TMC1: variants seen among roughly 807,000 people sequenced by gnomAD.
TMC1 encodes the protein transmembrane channel like 1.
A neutral mutation model predicts 105.8 loss-of-function variants in TMC1; 84 were observed. The observed-to-expected ratio is 0.79, with a 90% confidence interval of 0.67 to 0.95. The LOEUF is 0.95. TMC1 is among the 40% of genes least tolerant of loss of function. The pLI is 0.00. For missense variants in TMC1, 817 were observed against 914.1 expected, an observed-to-expected ratio of 0.89 and a Z score of 1.37; for synonymous variants, 315 against 311.5, an observed-to-expected ratio of 1.01 and a Z score of -0.12.
In TMC1 at chr9:72,774,001, T is replaced by C. The variant is rs189423798; in HGVS notation, c.884+1446T>C. On this transcript the variant is annotated intron_variant, in intron 13 of 23. Coordinates refer to ENST00000297784, the MANE Select transcript of TMC1 (RefSeq NM_138691.3). The stretch of plus-strand genomic sequence containing the variant: ...CTTAGAATATGCCTGGATGAGAAAA[T>C]TATTCAACAAATGTTAACAATTTTA... 2.3e-4 allele frequency among the ~76,000 whole-genome samples: 35 copies of C among 152,274 alleles called. 1 individual carries two copies. The highest frequency in any genetic ancestry group is 1.5e-3 in the Admixed American group (23 of 15,282).
At chr9:72,651,062 T>TATATATATATCTATATAAAAATATATAG (rs1349989809) in intron 5 of TMC1, 44 of 146,914 alleles carry the variant, frequency 3.0e-4, no homozygotes, top group African/African-American at 1.1e-3. Flanking sequence ...GTGTATTTTA[T>TATATATATATCTATATAAAAATATATAG]ATATATATAT....
intron 1 of TMC1, among the ~76,000 whole-genome samples, chr9:72,551,126 A>G (rs1823854065): frequency 6.6e-6 from 1 of 152,188 alleles, no homozygotes; most frequent in African/African-American, 2.4e-5. Context: ...AAAGACAAGA[A>G]AATAATTGGC....
chr9:72,614,568 A>G (rs558588546), intron 2 of TMC1, among the ~76,000 whole-genome samples: 8 of 152,324 alleles, frequency 5.3e-5, no homozygotes, highest in African/African-American at 1.9e-4. Flanking sequence ...CAAGGTTTTC[A>G]AGGGAATAAC....
intron 17 of TMC1, among the ~76,000 whole-genome samples, chr9:72,797,193 A>G (rs1256841705): frequency 1.3e-5 from 2 of 152,140 alleles, no homozygotes; most frequent in Non-Finnish European, 2.9e-5. Context: ...GAGAACTACA[A>G]ACTACTGCTC....
At chr9:72,787,334 T>A (rs982433523) in intron 13 of TMC1, among the ~76,000 whole-genome samples, 1 of 152,176 alleles carries the variant, frequency 6.6e-6, no homozygotes, top group Non-Finnish European at 1.5e-5. Context: ...TGCTAGCCTA[T>A]TTAAAATGTA....
intron 10 of TMC1, among the ~76,000 whole-genome samples, chr9:72,750,926 C>G (rs1190341284): frequency 6.6e-6 from 1 of 152,194 alleles, no homozygotes; most frequent in Non-Finnish European, 1.5e-5. Flanking sequence ...TTTTCCTCTG[C>G]TTGAGCTGCT....
At chr9:72,812,139 T>C (rs1564571529) in intron 18 of TMC1, among the ~76,000 whole-genome samples, 2 of 152,160 alleles carry the variant, frequency 1.3e-5, no homozygotes, top group Non-Finnish European at 2.9e-5. Flanking sequence ...CTGCCAAAAC[T>C]TGAATAATTC....
chr9:72,791,841 CT>C, intron 15 of TMC1, 44 bp from the exon 16 acceptor site: 1 of 1,560,040 alleles, frequency 6.4e-7, no homozygotes, highest in Non-Finnish European at 8.8e-7. Context: ...GCAATAATAA[CT>C]TTAAACACCA....
intron 8 of TMC1, among the ~76,000 whole-genome samples, chr9:72,715,520 A>G (rs992815220): frequency 2.0e-5 from 3 of 151,786 alleles, no homozygotes; most frequent in African/African-American, 4.8e-5. Flanking sequence ...TTGATCTCCA[A>G]TCTCTGATAG....
chr9:72,607,481 T>G (rs1487497096), intron 2 of TMC1, among the ~76,000 whole-genome samples: 1 of 151,576 alleles, frequency 6.6e-6, no homozygotes, highest in Non-Finnish European at 1.5e-5. Context: ...TAGCTGGGTG[T>G]GGTGGCGGGC....
chr9:72,694,825 C>A (rs1378744153), intron 7 of TMC1, 111 bp downstream of exon 7: 3 of 1,015,158 alleles, frequency 3.0e-6, no homozygotes, highest in South Asian at 1.5e-5. Flanking sequence ...AGAAAGAGAG[C>A]CTTAATCTGA....
intron 1 of TMC1, among the ~76,000 whole-genome samples, chr9:72,571,059 A>G (rs1824274623): frequency 6.7e-6 from 1 of 148,514 alleles, no homozygotes; most frequent in Admixed American, 6.7e-5. Flanking sequence ...ATGGTGGCTC[A>G]TGGCTATAAT....
At position 72,831,738 on chromosome 9, in the gene TMC1, TCATCTATGTCCCTACAAAGGACATGA is replaced by T. The variant is rs760995004; in HGVS notation, c.2260+1057_2260+1082del. Among the ~76,000 whole-genome samples, 8 of 152,232 alleles carry T rather than the reference TCATCTATGTCCCTACAAAGGACATGA, an allele frequency of 5.3e-5. No homozygotes were observed. The East Asian group carries it at 1.6e-3, about 30-fold the overall frequency. On this transcript the variant is annotated intron_variant, in intron 23 of 23. Coordinates refer to ENST00000297784, the MANE Select transcript of TMC1 (RefSeq NM_138691.3). ...TTGCTGAGAATGATGGTTTCCAGCT[TCATCTATGTCCCTACAAAGGACATGA>T]ACTCATCATTTTTTATGGCTGCATA...
chr9:72,837,685 T>C lies in TMC1; in HGVS notation c.*1712T>C, dbSNP rs34233938. 24,049 of 152,256 alleles carry C rather than the reference T, an allele frequency of 0.16. 2,000 individuals are homozygous for C. Among genetic ancestry groups the C allele is most frequent in the African/African-American group, 0.19 (7,885 of 41,518 alleles). 9.4% of individuals were successfully genotyped at this position (152,256 alleles called of 1,614,324 possible). A position where few individuals can be genotyped will look rare whatever the true frequency, so the allele number is the denominator to read the frequency against. ...TGTTGTGCGACTTTAATTGCATAGC[T>C]TAACTCAGTGTGCCTTTCCAAAACT... On this transcript the variant is annotated 3_prime_UTR_variant, in exon 24 of 24. Coordinates refer to ENST00000297784, the MANE Select transcript of TMC1 (RefSeq NM_138691.3).
At chr9:72,787,573 T>G (rs1023927331) in intron 13 of TMC1, among the ~76,000 whole-genome samples, 34 of 152,120 alleles carry the variant, frequency 2.2e-4, no homozygotes, top group African/African-American at 6.3e-4. Context: ...GTGGAGTATA[T>G]AGGATATAGA....
chr9:72,623,376 T>G (rs748792978), intron 3 of TMC1, among the ~76,000 whole-genome samples: 6 of 152,148 alleles, frequency 3.9e-5, no homozygotes, highest in Admixed American at 6.5e-5. Flanking sequence ...TCGTGGTCTA[T>G]GGGCTCTGCC....
At chr9:72,634,309 A>T (rs1825497368) in intron 4 of TMC1, among the ~76,000 whole-genome samples, 1 of 152,208 alleles carries the variant, frequency 6.6e-6, no homozygotes, top group Non-Finnish European at 1.5e-5. Context: ...TAGTGATTTT[A>T]TCTATAGGAG....
chr9:72,627,016 C>T (rs1014813576), intron 3 of TMC1, among the ~76,000 whole-genome samples: 17 of 148,068 alleles, frequency 1.1e-4, no homozygotes, highest in Admixed American at 1.1e-3. Context: ...CATAAATGTA[C>T]TACTATGTTG....
intron 5 of TMC1, among the ~76,000 whole-genome samples, chr9:72,650,528 A>G (rs1249821190): frequency 6.6e-6 from 1 of 152,024 alleles, no homozygotes; most frequent in Non-Finnish European, 1.5e-5. Context: ...GCTTGGGAGT[A>G]CGTATGAAAG....
Sources: gnomAD v4.1 joint callset for allele counts (sites outside exome capture counted in the v4.1 genomes callset) on GRCh38, gnomAD v4.1.1 for gene constraint, MANE v1.5 for transcripts, NCBI Gene and HGNC (gene_info 2026-07-23, HGNC 2026-07-21) for gene names.